Variants in RALGPS2 observed in about 807,000 individuals in gnomAD.
The protein encoded by RALGPS2 is Ral GEF with PH domain and SH3 binding motif 2.
RALGPS2 carries 43 observed loss-of-function variants against 86.8 expected under a neutral mutation model. The observed-to-expected ratio is 0.50, with a 90% confidence interval of 0.39 to 0.64. The LOEUF (loss-of-function observed/expected upper bound fraction) is 0.64, where lower values mean the gene tolerates loss of function less well. Ranked by LOEUF, RALGPS2 falls within the 30% of genes least tolerant of loss-of-function variation. The pLI, the probability that RALGPS2 is intolerant of heterozygous loss-of-function variation, is 0.00. For missense variants in RALGPS2, 536 were observed against 694.6 expected (o/e 0.77, Z 2.57); for synonymous variants, 243 against 231.3 (o/e 1.05, Z -0.46).
At chr1:178,772,919 A>G (rs1652874812) in intron 1 of RALGPS2, among the ~76,000 whole-genome samples, 1 of 152,144 alleles carries the variant, frequency 6.6e-6, no homozygotes. Flanking sequence ...CTCCTACCTC[A>G]GCCTCCCAAG....
At chr1:178,784,673 C>A in intron 3 of RALGPS2, 151 bp downstream of exon 3, 1 of 537,352 alleles carries the variant, frequency 1.9e-6, no homozygotes, top group Non-Finnish European at 3.1e-6. Flanking sequence ...GTGGAGCAAA[C>A]AGAGGGATGA....
intron 1 of RALGPS2, among the ~76,000 whole-genome samples, chr1:178,744,052 T>G (rs1651176433): frequency 6.6e-6 from 1 of 152,164 alleles, no homozygotes; most frequent in African/African-American, 2.4e-5. Context: ...ACAGACGTTG[T>G]GAGGTAAGAA....
intron 4 of RALGPS2, among the ~76,000 whole-genome samples, chr1:178,791,685 G>A (rs1212386558): frequency 2.0e-5 from 3 of 152,016 alleles, no homozygotes; most frequent in Non-Finnish European, 2.9e-5. Context: ...AGTAGGACCT[G>A]GTAATTCTTA....
intron 8 of RALGPS2, among the ~76,000 whole-genome samples, chr1:178,843,593 T>G (rs779558548): frequency 5.3e-5 from 8 of 149,542 alleles, no homozygotes; most frequent in Non-Finnish European, 1.2e-4. Context: ...ACATGGCGCA[T>G]GTATACATAT....
chr1:178,729,146 A>G (rs928061487), intron 1 of RALGPS2, among the ~76,000 whole-genome samples: 39 of 152,142 alleles, frequency 2.6e-4, no homozygotes, highest in Admixed American at 2.0e-3. Context: ...TTTCACTTAC[A>G]TGACCTTTTT....
chr1:178,788,841 C>CT lies in RALGPS2; in HGVS notation c.213+3237dup, dbSNP rs1553263494. Among the ~76,000 whole-genome samples the CT allele has an allele frequency of 7.3e-3, 971 of 132,462 alleles. 4 individuals are homozygous for CT. The highest frequency in any genetic ancestry group is 0.01 in the Non-Finnish European group (649 of 62,736). 86.9% of individuals were successfully genotyped at this position (132,462 alleles called of 152,430 possible). On this transcript the variant is annotated intron_variant, in intron 4 of 19. Coordinates refer to ENST00000367635, the MANE Select transcript of RALGPS2 (RefSeq NM_152663.5). ...TTCTTTTCTTTTGTTTTCTTTCTTT[C>CT]TTTCTTTTCTTTTCTTTTCTTTTCT...
At chr1:178,913,938 A>C (rs566352242) in intron 19 of RALGPS2, among the ~76,000 whole-genome samples, 5 of 152,178 alleles carry the variant, frequency 3.3e-5, no homozygotes, top group African/African-American at 4.8e-5. Flanking sequence ...GCCACTGTTG[A>C]AAGTGTTCTG....
At chr1:178,744,462 T>G (rs531441702) in intron 1 of RALGPS2, among the ~76,000 whole-genome samples, 1 of 152,266 alleles carries the variant, frequency 6.6e-6, no homozygotes, top group East Asian at 1.9e-4. Flanking sequence ...ATGGCTACTC[T>G]CACCACTTCT....
At chr1:178,814,326 T>C (rs1448421611) in intron 6 of RALGPS2, among the ~76,000 whole-genome samples, 1 of 152,270 alleles carries the variant, frequency 6.6e-6, no homozygotes. Context: ...TTGGCTATTA[T>C]GAGCCCTGCT....
At position 178,916,598 on chromosome 1, in the gene RALGPS2, C is replaced by G. The variant is rs563847124; in HGVS notation, c.*239C>G. ...CCATGCTTCTTATCTCAGAACTGAC[C>G]TGTGGAAACCACTGCCTTAAAAGAA... On this transcript the variant is annotated 3_prime_UTR_variant, in exon 20 of 20. Transcript: ENST00000367635. The G allele has an allele frequency of 5.7e-5, 25 of 441,212 alleles. No individual in the cohort carries two copies. In the Admixed American group the frequency reaches 6.2e-4, roughly 11 times the overall value. 27.3% of individuals were successfully genotyped at this position (441,212 alleles called of 1,614,324 possible). A position where few individuals can be genotyped will look rare whatever the true frequency, so the allele number is the denominator to read the frequency against.
chr1:178,796,392 A>C (rs555384219), intron 4 of RALGPS2, among the ~76,000 whole-genome samples: 1 of 152,298 alleles, frequency 6.6e-6, no homozygotes, highest in South Asian at 2.1e-4. Context: ...CTTTGTAGAT[A>C]ACCATATTAG....
intron 10 of RALGPS2, chr1:178,879,926 T>C (rs1659168217): frequency 6.6e-6 from 1 of 152,134 alleles, no homozygotes; most frequent in Non-Finnish European, 1.5e-5. Flanking sequence ...CATCTTTCGT[T>C]GATACAGTTT....
chr1:178,827,392 ATTTTTTTT>A (rs748058137), intron 7 of RALGPS2, among the ~76,000 whole-genome samples: 2 of 132,014 alleles, frequency 1.5e-5, no homozygotes, highest in African/African-American at 6.1e-5. Context: ...ATACTCTCTG[ATTTTTTTT>A]TTTTTTTTTT....
chr1:178,860,643 C>CTATGAATT (rs1293017738), intron 8 of RALGPS2, among the ~76,000 whole-genome samples: 1 of 152,204 alleles, frequency 6.6e-6, no homozygotes, highest in Non-Finnish European at 1.5e-5. Flanking sequence ...TACTTTCTGT[C>CTATGAATT]TATGAATTTG....
intron 4 of RALGPS2, among the ~76,000 whole-genome samples, chr1:178,795,984 A>C (rs553843577): frequency 1.1e-4 from 16 of 152,324 alleles, no homozygotes; most frequent in Non-Finnish European, 1.9e-4. Context: ...TTGTTCTGCT[A>C]TACAGACCAG....
chr1:178,775,030 CTTTT>C (rs1365549052), intron 1 of RALGPS2, among the ~76,000 whole-genome samples: 2 of 152,112 alleles, frequency 1.3e-5, no homozygotes, highest in African/African-American at 4.8e-5. Context: ...TTTGTCTTTT[CTTTT>C]TTATTTAAGA....
intron 15 of RALGPS2, 104 bp from the exon 16 acceptor site, chr1:178,893,815 G>C: frequency 1.3e-6 from 1 of 750,726 alleles, no homozygotes; most frequent in South Asian, 1.8e-5. Flanking sequence ...TCTGAATAAA[G>C]TAACAAACTT....
chr1:178,782,231 T>TA (rs1653428826), intron 2 of RALGPS2, among the ~76,000 whole-genome samples: 3 of 152,166 alleles, frequency 2.0e-5, no homozygotes, highest in Non-Finnish European at 4.4e-5. Flanking sequence ...GCTTGAAAGT[T>TA]AAAAACTCCT....
At chr1:178,776,880 G>A (rs1572320513) in intron 2 of RALGPS2, 59 bp downstream of exon 2, 2 of 1,399,724 alleles carry the variant, frequency 1.4e-6, no homozygotes, top group Non-Finnish European at 2.0e-6. Flanking sequence ...AATTTTTCAA[G>A]CATTATGTTT....
Sources: gnomAD v4.1 joint callset for allele counts (sites outside exome capture counted in the v4.1 genomes callset) on GRCh38, gnomAD v4.1.1 for gene constraint, MANE v1.5 for transcripts, NCBI Gene and HGNC (gene_info 2026-07-23, HGNC 2026-07-21) for gene names.